The following CNN3 variants were observed in gnomAD, a reference collection of about 807,000 sequenced individuals.
CNN3 encodes the protein calponin-3.
CNN3 carries 11 observed loss-of-function variants against 39.0 expected under a neutral mutation model. The ratio of observed to expected loss-of-function variants is 0.28; its 90% CI spans 0.18 to 0.47. The LOEUF (loss-of-function observed/expected upper bound fraction) is 0.47, where lower values mean the gene tolerates loss of function less well. Among genes scored for constraint, CNN3 ranks in the 20% least tolerant of loss-of-function variants. CNN3 has a pLI of 0.99. For synonymous variants in CNN3, 101 were observed against 138.3 expected (o/e 0.73, Z 1.89); for missense variants, 266 against 403.4 (o/e 0.66, Z 2.92).
chr1:94,926,991 A>T lies in CNN3; in HGVS notation c.-97T>A, dbSNP rs1366833273. 2.2e-6 allele frequency: 3 copies of T among 1,345,198 alleles called. No homozygotes were observed. The highest frequency in any genetic ancestry group is 3.1e-6 in the Non-Finnish European group (3 of 966,312). The allele number at this position is 1,345,198 out of a possible 1,614,324, so 83.3% of individuals were successfully genotyped here. On this transcript the variant is annotated 5_prime_UTR_variant, in exon 1 of 7. Coordinates refer to ENST00000370206, the MANE Select transcript of CNN3 (RefSeq NM_001839.5). The surrounding 1 kb of genome is among the most constrained non-coding windows in gnomAD (Gnocchi z 4.2). The stretch of plus-strand genomic sequence containing the variant: ...CCCCGAGGAGTGGCCGCCGCGGGGG[A>T]TGCTCGAACTCCCTCCTCTGGGAGG...
chr1:94,918,510 A>C (rs1180210742), intron 1 of CNN3, among the ~76,000 whole-genome samples: 5 of 142,222 alleles, frequency 3.5e-5, no homozygotes, highest in Non-Finnish European at 7.8e-5. Context: ...AATAAAATAA[A>C]AAAAAAAAAA....
At chr1:94,903,099 G>A (rs1571518226) in intron 3 of CNN3, 23 bp downstream of exon 3, 1 of 1,523,176 alleles carries the variant, frequency 6.6e-7, no homozygotes, top group Non-Finnish European at 8.9e-7. Flanking sequence ...ACTAGAACCA[G>A]AGGTGGTTGG....
chr1:94,921,469 A>G (rs1444601298), intron 1 of CNN3, among the ~76,000 whole-genome samples: 1 of 152,154 alleles, frequency 6.6e-6, no homozygotes, highest in East Asian at 1.9e-4. Flanking sequence ...TGGGTGAAAA[A>G]CCAAAACGAT....
Position 94,903,152 on chromosome 1 carries a change from C to G in CNN3, c.216G>C (p.Lys72Asn), listed in dbSNP as rs755847189. ...INKLQPGSVK[K>N]VNESSLNWPQ... ...GCCAGTTCAGTGAGGACTCGTTGACCTTCTTCACTGAGCCTGGCTGTAGCT... is the reference window on the plus strand; with the variant it reads ...GCCAGTTCAGTGAGGACTCGTTGACGTTCTTCACTGAGCCTGGCTGTAGCT... Residue 72 changes from lysine (K) to asparagine (N), a missense_variant, in exon 3 of 7, where the codon AAG becomes AAC. Transcript: ENST00000370206. 1 of 1,612,498 alleles carries G rather than the reference C, an allele frequency of 6.2e-7. No homozygotes were observed. Among genetic ancestry groups the G allele is most frequent in the Non-Finnish European group, 8.5e-7 (1 of 1,179,180 alleles).
intron 1 of CNN3, among the ~76,000 whole-genome samples, chr1:94,922,523 T>A (rs1032322142): frequency 1.3e-4 from 20 of 152,116 alleles, no homozygotes; most frequent in African/African-American, 4.6e-4. Flanking sequence ...AGACAGATAA[T>A]AAGCAAACAA....
At position 94,926,816 on chromosome 1, in the gene CNN3, C is replaced by T; in HGVS notation, c.57+22G>A. 1.9e-6 allele frequency: 3 copies of T among 1,607,234 alleles called. No individual in the cohort carries two copies. The highest frequency in any genetic ancestry group is 1.7e-5 in the Admixed American group (1 of 59,350). ...CCCAAGGGTGCCCCGGGGGCCCCCG[C>T]GCCCGCCCGAGCCAGGCGTACCTTG... is the stretch of plus-strand genomic sequence containing the variant. On this transcript the variant is annotated intron_variant, in intron 1 of 6. Coordinates refer to ENST00000370206, the MANE Select transcript of CNN3 (RefSeq NM_001839.5). This position sits in a 1 kb window ranked among gnomAD's most constrained non-coding sequence, Gnocchi z 4.2.
intron 1 of CNN3, among the ~76,000 whole-genome samples, chr1:94,914,318 C>A (rs1339910633): frequency 6.6e-6 from 1 of 152,176 alleles, no homozygotes; most frequent in Non-Finnish European, 1.5e-5. Flanking sequence ...ATCAACTCTT[C>A]AGCAAGCCCG....
In CNN3 at chr1:94,902,163, G is replaced by A; in HGVS notation, c.342C>T (p.Asn114=). The A allele has an allele frequency of 6.2e-7, 1 of 1,613,444 alleles. No homozygotes were observed. Among genetic ancestry groups the A allele is most frequent in the Non-Finnish European group, 8.5e-7 (1 of 1,179,378 alleles). ...FEANDLFENG[N]MTQVQTTLVA... is the part of the protein sequence containing the mutation. ...CCAGAGTAGTCTGAACCTGGGTCAT[G>A]TTTCCATTCTCAAAAAGATCATTTG... Residue 114 remains asparagine, a synonymous_variant, in exon 4 of 7, where the codon AAC becomes AAT. Transcript: ENST00000370206.
chr1:94,903,655 T>C, intron 1 of CNN3, 131 bp from the exon 2 acceptor site: 2 of 1,186,574 alleles, frequency 1.7e-6, no homozygotes, highest in Non-Finnish European at 2.3e-6. Flanking sequence ...ACTCAATAGA[T>C]CTCAATGGCA....
Position 94,927,047 on chromosome 1 carries a change from G to T in CNN3, c.-153C>A. The T allele has an allele frequency of 1.3e-6, 1 of 765,846 alleles. No individual in the cohort carries two copies. Among genetic ancestry groups the T allele is most frequent in the Non-Finnish European group, 2.1e-6 (1 of 485,166 alleles). The allele number at this position is 765,846 out of a possible 1,614,324, so 47.4% of individuals were successfully genotyped here. A position where few individuals can be genotyped will look rare whatever the true frequency, so the allele number is the denominator to read the frequency against. ...GAGACGGCCGCGGGGCGCGGGCGGT[G>T]CCTGGGCGACTGGGTCCAACTGGGT... On this transcript the variant is annotated 5_prime_UTR_variant, in exon 1 of 7. Coordinates refer to ENST00000370206, the MANE Select transcript of CNN3 (RefSeq NM_001839.5).
At chr1:94,898,624 T>A (rs1670784256) in intron 6 of CNN3, among the ~76,000 whole-genome samples, 1 of 152,206 alleles carries the variant, frequency 6.6e-6, no homozygotes, top group African/African-American at 2.4e-5. Context: ...CTCCCCTCTT[T>A]TTCAGAGTAC....
chr1:94,913,304 G>A (rs948260267), intron 1 of CNN3, among the ~76,000 whole-genome samples: 11 of 152,156 alleles, frequency 7.2e-5, no homozygotes, highest in African/African-American at 1.9e-4. Flanking sequence ...AAACGGGTGC[G>A]CATGGAGTTC....
intron 1 of CNN3, among the ~76,000 whole-genome samples, chr1:94,922,993 C>T (rs777995096): frequency 1.3e-5 from 2 of 152,034 alleles, no homozygotes; most frequent in Non-Finnish European, 1.5e-5. Flanking sequence ...TAGCTTCCTC[C>T]CAAAAAAACA....
intron 6 of CNN3, among the ~76,000 whole-genome samples, chr1:94,899,014 T>G (rs545132881): frequency 1.3e-5 from 2 of 151,870 alleles, no homozygotes; most frequent in Non-Finnish European, 2.9e-5. Context: ...TCCTTCTTAG[T>G]GGAACACCAG....
chr1:94,908,670 A>G (rs1671078380), intron 1 of CNN3, among the ~76,000 whole-genome samples: 1 of 151,964 alleles, frequency 6.6e-6, no homozygotes, highest in African/African-American at 2.4e-5. Context: ...CCTCCTGAGT[A>G]GTTGGGATTA....
At chr1:94,901,568 T>C (rs1670869635) in intron 5 of CNN3, 101 bp downstream of exon 5, 8 of 744,928 alleles carry the variant, frequency 1.1e-5, no homozygotes, top group South Asian at 1.7e-5. Flanking sequence ...CCCCCAGTAC[T>C]ATAGTACTTC....
At chr1:94,899,713 C>T (rs1670815882) in intron 5 of CNN3, among the ~76,000 whole-genome samples, 196 bp from the exon 6 acceptor site, 1 of 152,070 alleles carries the variant, frequency 6.6e-6, no homozygotes, top group South Asian at 2.1e-4. Flanking sequence ...TTTAAAGTCA[C>T]TATAGATAAA....
In CNN3 at chr1:94,926,343, G is replaced by A. The variant is rs1257597117; in HGVS notation, c.57+495C>T. Among the ~76,000 whole-genome samples, 6 of 152,288 alleles carry A rather than the reference G, an allele frequency of 3.9e-5. No individual in the cohort carries two copies. In the East Asian group the frequency reaches 1.2e-3, roughly 30 times the overall value. ...CCGTTCCTCGGGGCCCCTGGGGTCG[G>A]CGGGACATTAGGCGGTCTCTCTCCC... On this transcript the variant is annotated intron_variant, in intron 1 of 6. Transcript: ENST00000370206. This position sits in a 1 kb window ranked among gnomAD's most constrained non-coding sequence, Gnocchi z 4.2.
chr1:94,927,033 GGGGCGCGGGCGGTGCCT>G lies in CNN3; in HGVS notation c.-156_-140del, dbSNP rs1312630179. 9.9e-5 allele frequency: 91 copies of G among 916,998 alleles called. No individual in the cohort carries two copies. The highest frequency in any genetic ancestry group is 3.0e-4 in the Middle Eastern group (1 of 3,370). 56.8% of individuals were successfully genotyped at this position (916,998 alleles called of 1,614,324 possible). ...TCTGGGAGGCGCAGGAGACGGCCGC[GGGGCGCGGGCGGTGCCT>G]GGGCGACTGGGTCCAACTGGGTGCT... On this transcript the variant is annotated 5_prime_UTR_variant, in exon 1 of 7. Coordinates refer to ENST00000370206, the MANE Select transcript of CNN3 (RefSeq NM_001839.5).
Sources: gnomAD v4.1 joint callset for allele counts (sites outside exome capture counted in the v4.1 genomes callset) on GRCh38, gnomAD v4.1.1 for gene constraint, Gnocchi (gnomAD v3.1) non-coding constraint, MANE v1.5 for transcripts, NCBI Gene and HGNC (gene_info 2026-07-23, HGNC 2026-07-21) for gene names.